The following HHLA1 variants were observed in gnomAD, a reference collection of about 807,000 sequenced individuals.
HHLA1 encodes HERV-H LTR-associating protein 1.
A neutral mutation model predicts 69.9 loss-of-function variants in HHLA1; 72 were observed. That is an observed-to-expected ratio of 1.03 (90% CI 0.85 to 1.25). The LOEUF (loss-of-function observed/expected upper bound fraction) is 1.25, where lower values mean the gene tolerates loss of function less well. Among genes scored for constraint, HHLA1 ranks in the 50% most tolerant of loss-of-function variants. The probability of loss-of-function intolerance (pLI) is 0.00; values close to 1 mark genes in which losing one functional copy is unlikely to be tolerated. For synonymous variants in HHLA1, 252 were observed against 233.2 expected, an observed-to-expected ratio of 1.08 and a Z score of -0.73; for missense variants, 685 against 642.2, an observed-to-expected ratio of 1.07 and a Z score of -0.72.
intron 15 of HHLA1, among the ~76,000 whole-genome samples, chr8:132,067,105 A>G (rs1823453844): frequency 6.6e-6 from 1 of 152,214 alleles, no homozygotes; most frequent in Non-Finnish European, 1.5e-5. Flanking sequence ...CTGTGGCCAA[A>G]GCACAGAGGG....
chr8:132,063,308 T>C lies in HHLA1; in HGVS notation c.*687A>G, dbSNP rs1823382991. The C allele has an allele frequency of 6.6e-6, 1 of 152,168 alleles. No individual in the cohort carries two copies. The highest frequency in any genetic ancestry group is 1.5e-5 in the Non-Finnish European group (1 of 68,036). 9.4% of individuals were successfully genotyped at this position (152,168 alleles called of 1,614,324 possible). On this transcript the variant is annotated 3_prime_UTR_variant, in exon 17 of 17. Transcript: ENST00000414222. ...CCTCTGAGTTCTACTCATGAATCAT[T>C]GAACCTGAGGGTGCTCATGGGGACC... is the stretch of plus-strand genomic sequence containing the variant.
chr8:132,073,316 T>C (rs1015000788), intron 14 of HHLA1, among the ~76,000 whole-genome samples: 3 of 152,128 alleles, frequency 2.0e-5, no homozygotes, highest in Non-Finnish European at 4.4e-5. Flanking sequence ...GGGCTCATAA[T>C]GTTAGCAGAA....
intron 10 of HHLA1, among the ~76,000 whole-genome samples, chr8:132,081,795 A>G (rs1051804888): frequency 6.6e-6 from 1 of 152,150 alleles, no homozygotes; most frequent in Admixed American, 6.5e-5. Flanking sequence ...TACGGAAGGG[A>G]GGGGGCCTGA....
intron 3 of HHLA1, among the ~76,000 whole-genome samples, chr8:132,100,857 C>A (rs1359893607): frequency 6.6e-6 from 1 of 152,096 alleles, no homozygotes; most frequent in East Asian, 1.9e-4. Flanking sequence ...TAAGCAGAGA[C>A]CAGAAGGATC....
intron 11 of HHLA1, 24 bp from the exon 12 acceptor site, chr8:132,077,995 CAG>C (rs1823676911): frequency 5.2e-6 from 8 of 1,551,160 alleles, no homozygotes; most frequent in Non-Finnish European, 7.0e-6. Context: ...GTGACAGTAA[CAG>C]GGTACAGACA....
chr8:132,069,657 T>A (rs916655727), intron 15 of HHLA1: 1 of 152,170 alleles, frequency 6.6e-6, no homozygotes, highest in African/African-American at 2.4e-5. Context: ...TCCAACGGGA[T>A]ATGATTAACA....
In HHLA1 at chr8:132,106,725, A is replaced by C. The variant is rs541296795; in HGVS notation, c.-21-1439T>G. 2.6e-4 allele frequency among the ~76,000 whole-genome samples: 39 copies of C among 152,336 alleles called. 1 individual carries two copies. The South Asian group carries it at 7.7e-3, about 30-fold the overall frequency. ...CTTAGAAGATGTAGACACATGCCCA[A>C]CTAATTCACACTCAAGGCTGGCTGT... On this transcript the variant is annotated intron_variant, in intron 1 of 16. Coordinates refer to ENST00000414222, the MANE Select transcript of HHLA1 (RefSeq NM_001145095.3).
chr8:132,064,054 A>G lies in HHLA1; in HGVS notation c.1553-16T>C, dbSNP rs1036251879. ...TGCTTTAAGGCTGAAAAAAAAGCAG[A>G]AGAAGAAGGAACTCAAGGTACTGAG... is the stretch of plus-strand genomic sequence containing the variant. On this transcript the variant is annotated splice_polypyrimidine_tract_variant and intron_variant, in intron 16 of 16. Transcript: ENST00000414222. 6.1e-6 allele frequency: 8 copies of G among 1,301,286 alleles called. No individual in the cohort carries two copies. Among genetic ancestry groups the G allele is most frequent in the Non-Finnish European group, 8.1e-6 (8 of 986,062 alleles). 80.6% of individuals were successfully genotyped at this position (1,301,286 alleles called of 1,614,324 possible).
chr8:132,100,038 C>T (rs1000080494), intron 4 of HHLA1, 37 bp downstream of exon 4: 7 of 1,529,026 alleles, frequency 4.6e-6, no homozygotes, highest in Admixed American at 2.0e-5. Context: ...GCTCTGCAAC[C>T]CAGACAACCC....
chr8:132,078,191 C>T (rs879922157), intron 11 of HHLA1, among the ~76,000 whole-genome samples: 64 of 151,938 alleles, frequency 4.2e-4, no homozygotes, highest in Non-Finnish European at 7.8e-4. Context: ...CACACACACA[C>T]ACACACACAC....
intron 10 of HHLA1, among the ~76,000 whole-genome samples, chr8:132,082,620 G>C (rs1342741705): frequency 6.6e-6 from 1 of 152,080 alleles, no homozygotes; most frequent in Non-Finnish European, 1.5e-5. Context: ...GTACAGCCTT[G>C]GTAATTTGCT....
Position 132,076,179 on chromosome 8 carries a change from G to A in HHLA1, c.1241-50C>T, listed in dbSNP as rs139336028. On this transcript the variant is annotated intron_variant, in intron 13 of 16. Transcript: ENST00000414222. ...CAGAAGTCAGAATGGAATTACCTTA[G>A]GTGATACACACAGCAAGAAATTTAT... 8.8e-4 allele frequency: 1,126 copies of A among 1,272,986 alleles called. 6 individuals are homozygous for A. The African/African-American group carries it at 0.015, about 17-fold the overall frequency. 78.9% of individuals were successfully genotyped at this position (1,272,986 alleles called of 1,614,324 possible).
intron 10 of HHLA1, chr8:132,080,764 G>C (rs1443290473): frequency 6.6e-6 from 1 of 152,334 alleles, no homozygotes; most frequent in African/African-American, 2.4e-5. Flanking sequence ...TTGGGGGGTG[G>C]TATGGAGAGA....
chr8:132,083,028 G>T, intron 10 of HHLA1, among the ~76,000 whole-genome samples: 1 of 144,886 alleles, frequency 6.9e-6, no homozygotes, highest in Non-Finnish European at 1.5e-5. Flanking sequence ...AGATGGTAAG[G>T]GGTGCATGAT....
chr8:132,107,913 A>T (rs1344970305), intron 1 of HHLA1, among the ~76,000 whole-genome samples: 1 of 152,204 alleles, frequency 6.6e-6, no homozygotes, highest in Non-Finnish European at 1.5e-5. Flanking sequence ...ATCTGGCCTT[A>T]CGCTTCCCTT....
At position 132,089,745 on chromosome 8, in the gene HHLA1, C is replaced by T. The variant is rs1275236919; in HGVS notation, c.449-146G>A. 8.2e-6 allele frequency: 5 copies of T among 612,012 alleles called. No homozygotes were observed. In the Admixed American group the frequency reaches 1.2e-4, roughly 14 times the overall value. 37.9% of individuals were successfully genotyped at this position (612,012 alleles called of 1,614,324 possible). A position where few individuals can be genotyped will look rare whatever the true frequency, so the allele number is the denominator to read the frequency against. On this transcript the variant is annotated intron_variant, in intron 7 of 16. Transcript: ENST00000414222. ...ATATCAACAATGATACAGAGAAATA[C>T]TACTAATTCTAAAAAATGAAAAGTC... is the stretch of plus-strand genomic sequence containing the variant.
intron 10 of HHLA1, among the ~76,000 whole-genome samples, chr8:132,084,173 A>G (rs1026330313): frequency 3.3e-5 from 5 of 152,168 alleles, no homozygotes; most frequent in African/African-American, 1.2e-4. Flanking sequence ...GGGGAGGGCT[A>G]GTCAGGGAAC....
At chr8:132,079,111 T>C (rs1823695366) in intron 11 of HHLA1, among the ~76,000 whole-genome samples, 1 of 152,236 alleles carries the variant, frequency 6.6e-6, no homozygotes, top group African/African-American at 2.4e-5. Context: ...AAAAATAAGA[T>C]AAGCATGCCT....
chr8:132,093,561 T>C (rs1247804780), intron 7 of HHLA1, among the ~76,000 whole-genome samples: 1 of 152,160 alleles, frequency 6.6e-6, no homozygotes, highest in Non-Finnish European at 1.5e-5. Context: ...TGTGACTTCT[T>C]GTCAAACCTG....
Sources: allele counts gnomAD v4.1 joint callset (sites outside exome capture counted in the v4.1 genomes callset), GRCh38; gene constraint gnomAD v4.1.1; transcripts MANE v1.5; gene names NCBI Gene and HGNC (gene_info 2026-07-23, HGNC 2026-07-21).